Variants in SEC61A1 observed in about 807,000 individuals in gnomAD.
The protein encoded by SEC61A1 is protein transport protein Sec61 subunit alpha isoform 1.
SEC61A1 carries 15 observed loss-of-function variants against 55.2 expected under a neutral mutation model. The observed-to-expected ratio is 0.27, with a 90% CI of 0.18 to 0.42. The LOEUF (loss-of-function observed/expected upper bound fraction) is 0.42, where lower values mean the gene tolerates loss of function less well. SEC61A1 is among the 10% of genes least tolerant of loss of function. The probability of loss-of-function intolerance (pLI) is 1.00; values close to 1 mark genes in which losing one functional copy is unlikely to be tolerated. For synonymous variants in SEC61A1, 247 were observed against 234.0 expected (o/e 1.06, Z -0.51); for missense variants, 284 against 602.6 (o/e 0.47, Z 5.53).
At chr3:128,059,325 T>G (rs1941820700) in intron 5 of SEC61A1, among the ~76,000 whole-genome samples, 1 of 152,006 alleles carries the variant, frequency 6.6e-6, no homozygotes, top group Non-Finnish European at 1.5e-5. Context: ...TACAAAAAAT[T>G]AGCTGGCTGT....
chr3:128,059,691 T>A (rs1411212915), intron 5 of SEC61A1, among the ~76,000 whole-genome samples: 4 of 152,300 alleles, frequency 2.6e-5, no homozygotes, highest in South Asian at 2.1e-4. Context: ...AGTTCAGCTC[T>A]TGAGCCATCG....
At chr3:128,057,403 T>TGGA (rs1322220198) in intron 5 of SEC61A1, among the ~76,000 whole-genome samples, 5 of 152,116 alleles carry the variant, frequency 3.3e-5, no homozygotes, top group African/African-American at 1.2e-4. Flanking sequence ...GGCCATGTAA[T>TGGA]GGAGGAGAAG....
rs1249979942 is a variant in SEC61A1 at position 128,069,730 on chromosome 3, C to T, written c.*68C>T. ...CTCGGAAGGGGAGCTCTCATCATGG[C>T]GCGTGCTGCTGCGGCATATGGACTT... On this transcript the variant is annotated 3_prime_UTR_variant, in exon 12 of 12. Transcript: ENST00000243253. 3.7e-6 allele frequency: 5 copies of T among 1,351,718 alleles called. No individual in the cohort carries two copies. The highest frequency in any genetic ancestry group is 2.9e-5 in the African/African-American group (2 of 68,940). 83.7% of individuals were successfully genotyped at this position (1,351,718 alleles called of 1,614,324 possible).
intron 5 of SEC61A1, among the ~76,000 whole-genome samples, chr3:128,058,993 G>T (rs1941816163): frequency 6.6e-6 from 1 of 152,092 alleles, no homozygotes; most frequent in African/African-American, 2.4e-5. Flanking sequence ...AGTCAAATAG[G>T]GACTGTATTT....
At chr3:128,051,982 A>C, upstream of SEC61A1, 1 of 1,156,336 alleles carries the variant, frequency 8.6e-7, no homozygotes, top group Non-Finnish European at 1.2e-6. Context: ...GCGCCGCGGT[A>C]GACGCTGGGA....
chr3:128,055,829 C>T, intron 4 of SEC61A1, 78 bp downstream of exon 4: 1 of 1,173,112 alleles, frequency 8.5e-7, no homozygotes, highest in Non-Finnish European at 1.3e-6. Flanking sequence ...TAGGCTTTGG[C>T]TTTATATGGA....
In SEC61A1 at chr3:128,067,973, C is replaced by T. The variant is rs1012538353; in HGVS notation, c.1168-10C>T. 6.2e-6 allele frequency: 10 copies of T among 1,612,760 alleles called. No individual in the cohort carries two copies. Among genetic ancestry groups the T allele is most frequent in the Non-Finnish European group, 8.5e-6 (10 of 1,178,996 alleles). Reference sequence around the variant, plus strand: ...CCAATTCCAACTTCTCCCCTGTGGGCACCCTGCAGGTTGCAAAGCAGCTGA... The same window carrying T: ...CCAATTCCAACTTCTCCCCTGTGGGTACCCTGCAGGTTGCAAAGCAGCTGA... On this transcript the variant is annotated splice_polypyrimidine_tract_variant and intron_variant, in intron 10 of 11. Transcript: ENST00000243253. This position sits in a 1 kb window ranked among gnomAD's most constrained non-coding sequence, Gnocchi z 4.1.
rs1041017319 is a variant in SEC61A1 at position 128,054,394 on chromosome 3, T to C, written c.76-1122T>C. Among the ~76,000 whole-genome samples the C allele has an allele frequency of 2.0e-5, 3 of 152,242 alleles. No individual in the cohort carries two copies. The South Asian group carries it at 6.2e-4, about 32-fold the overall frequency. On this transcript the variant is annotated intron_variant, in intron 2 of 11. Coordinates refer to ENST00000243253, the MANE Select transcript of SEC61A1 (RefSeq NM_013336.4). ...AATGGCGTTGCCTTCTCTTGGCCAC[T>C]TTCTAATTTCTTAGTGTGGTGGGAT...
At position 128,067,491 on chromosome 3, in the gene SEC61A1, A is replaced by T; in HGVS notation, c.1046A>T (p.Glu349Val). The T allele has an allele frequency of 1.2e-6, 2 of 1,614,152 alleles. No homozygotes were observed. The highest frequency in any genetic ancestry group is 1.7e-6 in the Non-Finnish European group (2 of 1,180,012). The change falls in exon 10 of 12, where the codon GAA becomes GTA. Residue 349 changes from glutamate (E) to valine (V), a missense_variant. By Grantham distance (121) the Glu-to-Val change is moderately radical (BLOSUM62 -2). Transcript: ENST00000243253. The surrounding 1 kb of genome is among the most constrained non-coding windows in gnomAD (Gnocchi z 4.1). ...GGLCYYLSPP[E>V]SFGSVLEDPV... ...CTTTGCTATTACCTGTCCCCTCCAG[A>T]ATCTTTTGGCTCCGTGTTAGAAGAC...
Position 128,055,764 on chromosome 3 carries a change from CTCTG to C in SEC61A1, c.220+17_220+20del. ...GCCTCTAACAGAGGTAGGACTCTGG[CTCTG>C]TCTTTTCTCTGTAGAGTGTAGGCTT... On this transcript the variant is annotated intron_variant, in intron 4 of 11. Coordinates refer to ENST00000243253, the MANE Select transcript of SEC61A1 (RefSeq NM_013336.4). The C allele has an allele frequency of 6.2e-7, 1 of 1,603,736 alleles. No homozygotes were observed. Among genetic ancestry groups the C allele is most frequent in the South Asian group, 1.1e-5 (1 of 90,890 alleles).
At chr3:128,065,201 T>C (rs1941927958) in intron 8 of SEC61A1, 164 bp downstream of exon 8, 2 of 809,030 alleles carry the variant, frequency 2.5e-6, no homozygotes, top group South Asian at 2.8e-5. Flanking sequence ...TGGACAAGCA[T>C]GTTCATTGAG....
At position 128,067,227 on chromosome 3, in the gene SEC61A1, C is replaced by T; in HGVS notation, c.975+76C>T. On this transcript the variant is annotated intron_variant, in intron 9 of 11. Coordinates refer to ENST00000243253, the MANE Select transcript of SEC61A1 (RefSeq NM_013336.4). The surrounding 1 kb of genome is among the most constrained non-coding windows in gnomAD (Gnocchi z 4.1). ...TTTCTATCAGTGTCTTGCTCATGAA[C>T]AGATATTTCATCCAAAGATATTTTC... 2 of 1,394,462 alleles carry T rather than the reference C, an allele frequency of 1.4e-6. No homozygotes were observed. Among genetic ancestry groups the T allele is most frequent in the Non-Finnish European group, 2.0e-6 (2 of 989,956 alleles). 86.4% of individuals were successfully genotyped at this position (1,394,462 alleles called of 1,614,324 possible).
rs761723385 is a variant in SEC61A1 at position 128,066,506 on chromosome 3, T to C, written c.778-448T>C. 6.3e-4 allele frequency: 107 copies of C among 171,138 alleles called. 2 individuals are homozygous for C. The highest frequency in any genetic ancestry group is 1.1e-3 in the Non-Finnish European group (92 of 80,104). The allele number at this position is 171,138 out of a possible 1,614,324, so 10.6% of individuals were successfully genotyped here. On this transcript the variant is annotated intron_variant, in intron 8 of 11. Transcript: ENST00000243253. The stretch of plus-strand genomic sequence containing the variant: ...GGCATGATCTCGGCTCACTGCAGCC[T>C]AGACCTCCCAGGCTCAAGTGATTGT...
At chr3:128,061,651 T>C (rs1941854537) in intron 7 of SEC61A1, among the ~76,000 whole-genome samples, 1 of 151,904 alleles carries the variant, frequency 6.6e-6, no homozygotes, top group Non-Finnish European at 1.5e-5. Flanking sequence ...TAGAGAAGAG[T>C]GGGCAAGATC....
At chr3:128,058,646 A>G (rs1941810091) in intron 5 of SEC61A1, among the ~76,000 whole-genome samples, 1 of 152,112 alleles carries the variant, frequency 6.6e-6, no homozygotes, top group South Asian at 2.1e-4. Flanking sequence ...TGATTGCTTG[A>G]GGCCAGGAGT....
intron 7 of SEC61A1, among the ~76,000 whole-genome samples, chr3:128,064,250 A>G (rs1941896931): frequency 6.6e-6 from 1 of 152,204 alleles, no homozygotes; most frequent in Admixed American, 6.5e-5. Context: ...GCTAGAGTTC[A>G]GCAGAGTCTG....
intron 7 of SEC61A1, among the ~76,000 whole-genome samples, chr3:128,064,068 C>T (rs1158982760): frequency 6.6e-6 from 1 of 152,182 alleles, no homozygotes; most frequent in Non-Finnish European, 1.5e-5. Context: ...CAAGCATATC[C>T]TCTGTACTTG....
rs532253439 is a variant in SEC61A1, at chr3:128,065,760, G to A, written c.777+723G>A. ...TTTTTTTTTTTTTTTTTTTTGAGAC[G>A]GAGTCTTGCTCTGTTGCCCAGGCTG... On this transcript the variant is annotated intron_variant, in intron 8 of 11. Transcript: ENST00000243253. Among the ~76,000 whole-genome samples, 81 of 96,882 alleles carry A rather than the reference G, an allele frequency of 8.4e-4. 1 individual carries two copies. In the South Asian group the frequency reaches 0.017, roughly 21 times the overall value. The allele number at this position is 96,882 out of a possible 152,430, so 63.6% of individuals were successfully genotyped here. A position where few individuals can be genotyped will look rare whatever the true frequency, so the allele number is the denominator to read the frequency against.
upstream of SEC61A1, among the ~76,000 whole-genome samples, chr3:128,052,104 G>A (rs554380042): frequency 1.3e-5 from 2 of 152,298 alleles, no homozygotes; most frequent in African/African-American, 4.8e-5. Flanking sequence ...AGGGCCACGC[G>A]CGCACTCGAC....
Sources: allele counts gnomAD v4.1 joint callset (sites outside exome capture counted in the v4.1 genomes callset), GRCh38; gene constraint gnomAD v4.1.1; non-coding constraint Gnocchi (gnomAD v3.1); transcripts MANE v1.5; gene names NCBI Gene and HGNC (gene_info 2026-07-23, HGNC 2026-07-21).